The following SORCS2 variants were observed in gnomAD, a reference collection of about 807,000 sequenced individuals.
SORCS2 encodes sortilin related VPS10 domain containing receptor 2, also known as VPS10 domain-containing receptor SorCS2.
SORCS2 carries 100 observed loss-of-function variants against 141.6 expected under a neutral mutation model. That is an observed-to-expected ratio of 0.71 (90% confidence interval 0.60 to 0.83). SORCS2 has a LOEUF of 0.83. Among genes scored for constraint, SORCS2 ranks in the 40% least tolerant of loss-of-function variants. The pLI is 0.00. For synonymous variants in SORCS2, 789 were observed against 676.9 expected, an observed-to-expected ratio of 1.17 and a Z score of -2.57; for missense variants, 1,646 against 1,560.2, an observed-to-expected ratio of 1.05 and a Z score of -0.93.
chr4:7,549,813 G>T (rs547253949), intron 3 of SORCS2, among the ~76,000 whole-genome samples: 69 of 152,190 alleles, frequency 4.5e-4, no homozygotes, highest in African/African-American at 1.6e-3. Flanking sequence ...ATCCCTCTTT[G>T]CCCCCAGGAC....
At chr4:7,424,963 C>T (rs761791260) in intron 2 of SORCS2, among the ~76,000 whole-genome samples, 15 of 152,308 alleles carry the variant, frequency 9.8e-5, no homozygotes, top group Admixed American at 3.3e-4. Flanking sequence ...CGGAGGGCCG[C>T]GGGGTCAGCA....
chr4:7,292,804 A>T (rs1347369368), intron 1 of SORCS2, among the ~76,000 whole-genome samples: 1 of 152,194 alleles, frequency 6.6e-6, no homozygotes, highest in Non-Finnish European at 1.5e-5. Context: ...ACGAGCACAG[A>T]TTGCACGCCT....
intron 3 of SORCS2, among the ~76,000 whole-genome samples, chr4:7,602,256 G>A (rs1019779891): frequency 6.7e-6 from 1 of 149,048 alleles, no homozygotes; most frequent in Non-Finnish European, 1.5e-5. Flanking sequence ...AGGCAGAGGC[G>A]CCCCCCACCT....
In SORCS2 at chr4:7,285,693, G is replaced by A. The variant is rs376062032; in HGVS notation, c.480+92567G>A. Reference sequence around the variant, plus strand: ...CCCAGGAGGATTTTCCTGGGGCCTCGTTCTTCCTTCTCGCTGGAGGACCAG... The same window carrying A: ...CCCAGGAGGATTTTCCTGGGGCCTCATTCTTCCTTCTCGCTGGAGGACCAG... On this transcript the variant is annotated intron_variant, in intron 1 of 26. Coordinates refer to ENST00000507866, the MANE Select transcript of SORCS2 (RefSeq NM_020777.3). Among the ~76,000 whole-genome samples the A allele has an allele frequency of 1.1e-4, 17 of 152,324 alleles. No homozygotes were observed. The East Asian group carries it at 2.1e-3, about 19-fold the overall frequency.
In SORCS2 at chr4:7,503,533, G is replaced by A. The variant is rs114553131; in HGVS notation, c.549-27997G>A. On this transcript the variant is annotated intron_variant, in intron 2 of 26. Coordinates refer to ENST00000507866, the MANE Select transcript of SORCS2 (RefSeq NM_020777.3). The stretch of plus-strand genomic sequence containing the variant: ...ATGGAGACAGAGAGAGACAGAGGTA[G>A]AGATGGTGCAGGAGCTGGAGATCTC... Among the ~76,000 whole-genome samples, 266 of 152,322 alleles carry A rather than the reference G, an allele frequency of 1.7e-3. 1 individual carries two copies. Among genetic ancestry groups the A allele is most frequent in the African/African-American group, 6.0e-3 (249 of 41,562 alleles).
In SORCS2 at chr4:7,740,548, G is replaced by A. The variant is rs975579817; in HGVS notation, c.*284G>A. 1.4e-5 allele frequency: 7 copies of A among 492,042 alleles called. No individual in the cohort carries two copies. The highest frequency in any genetic ancestry group is 6.9e-5 in the East Asian group (2 of 29,194). The allele number at this position is 492,042 out of a possible 1,614,324, so 30.5% of individuals were successfully genotyped here. A position where few individuals can be genotyped will look rare whatever the true frequency, so the allele number is the denominator to read the frequency against. Reference sequence around the variant, plus strand: ...CAGACCCCACACACGGCCGCCCCACGTGCTGTCGCTCAGCCCGAGGCCTGA... The same window carrying A: ...CAGACCCCACACACGGCCGCCCCACATGCTGTCGCTCAGCCCGAGGCCTGA... On this transcript the variant is annotated 3_prime_UTR_variant, in exon 27 of 27. Coordinates refer to ENST00000507866, the MANE Select transcript of SORCS2 (RefSeq NM_020777.3).
intron 1 of SORCS2, among the ~76,000 whole-genome samples, chr4:7,288,293 G>T (rs989506526): frequency 2.0e-5 from 3 of 152,080 alleles, no homozygotes; most frequent in South Asian, 4.2e-4. Context: ...TTGCTGAGAC[G>T]TGGGGGCCCC....
chr4:7,669,624 ACTCT>A (rs888795603), intron 8 of SORCS2, among the ~76,000 whole-genome samples: 2 of 151,678 alleles, frequency 1.3e-5, no homozygotes, highest in Non-Finnish European at 2.9e-5. Context: ...CACAGACTCA[ACTCT>A]CTCTTTTTTT....
chr4:7,225,295 T>C (rs1190606919), intron 1 of SORCS2, among the ~76,000 whole-genome samples: 1 of 152,188 alleles, frequency 6.6e-6, no homozygotes, highest in African/African-American at 2.4e-5. Context: ...CACTGGACTG[T>C]GAACTGTGAG....
At chr4:7,724,145 GTCGTGGTGGTGGTGGTGATGGTGGTGA>G (rs1726820707) in intron 19 of SORCS2, among the ~76,000 whole-genome samples, 4 of 123,332 alleles carry the variant, frequency 3.2e-5, no homozygotes, top group Admixed American at 7.7e-5. Context: ...GGTGGTGATG[GTCGTGGTGGTGGTGGTGATGGTGGTGA>G]TGGTGATAGC....
At chr4:7,591,160 G>A (rs1329134362) in intron 3 of SORCS2, among the ~76,000 whole-genome samples, 1 of 152,158 alleles carries the variant, frequency 6.6e-6, no homozygotes, top group Non-Finnish European at 1.5e-5. Context: ...TTCTTTCTGT[G>A]TCCTTCTTCC....
intron 2 of SORCS2, among the ~76,000 whole-genome samples, chr4:7,422,414 G>A (rs11731607): frequency 0.45 from 68,057 of 151,644 alleles, 15,399 homozygotes; most frequent in East Asian, 0.53. Flanking sequence ...CTTCCTTTCC[G>A]TGGACACTGC....
chr4:7,425,411 G>A (rs934812234), intron 2 of SORCS2, among the ~76,000 whole-genome samples: 34 of 152,192 alleles, frequency 2.2e-4, no homozygotes, highest in African/African-American at 7.2e-4. Flanking sequence ...TCCTGGTTTC[G>A]GTTTCCCCCG....
At chr4:7,220,861 A>G (rs1431940097) in intron 1 of SORCS2, among the ~76,000 whole-genome samples, 1 of 152,144 alleles carries the variant, frequency 6.6e-6, no homozygotes, top group African/African-American at 2.4e-5. Context: ...CCCCACGTTT[A>G]ATTCCTTTTC....
intron 21 of SORCS2, 27 bp from the exon 22 acceptor site, chr4:7,728,323 C>T (rs1577129312): frequency 3.2e-6 from 5 of 1,564,854 alleles, no homozygotes; most frequent in Non-Finnish European, 4.4e-6. Flanking sequence ...CAGAACTGAC[C>T]AGTCTCCCTT....
At chr4:7,236,313 TATCTGAGG>T (rs951473602) in intron 1 of SORCS2, among the ~76,000 whole-genome samples, 51 of 152,186 alleles carry the variant, frequency 3.4e-4, no homozygotes, top group Admixed American at 6.5e-4. Context: ...GCCACGTGGG[TATCTGAGG>T]CCTGAGCATT....
chr4:7,685,688 A>ATATATATAT (rs1553904098), intron 10 of SORCS2, among the ~76,000 whole-genome samples: 2 of 149,716 alleles, frequency 1.3e-5, no homozygotes, highest in African/African-American at 5.0e-5. Flanking sequence ...AAAATAAATA[A>ATATATATAT]ATATATATAT....
chr4:7,543,980 C>T (rs1250118204), intron 3 of SORCS2, among the ~76,000 whole-genome samples: 1 of 134,872 alleles, frequency 7.4e-6, no homozygotes, highest in African/African-American at 2.8e-5. Context: ...ATCCACCCAT[C>T]CGTCCATCCA....
chr4:7,669,277 T>A (rs1722666023), intron 8 of SORCS2, among the ~76,000 whole-genome samples: 1 of 152,212 alleles, frequency 6.6e-6, no homozygotes, highest in Admixed American at 6.5e-5. Context: ...GCAGGTGGCA[T>A]GTGCTGTGAC....
Sources: gnomAD v4.1 joint callset for allele counts (sites outside exome capture counted in the v4.1 genomes callset) on GRCh38, gnomAD v4.1.1 for gene constraint, MANE v1.5 for transcripts, NCBI Gene and HGNC (gene_info 2026-07-23, HGNC 2026-07-21) for gene names.